The following RARB variants were observed in gnomAD, a reference collection of about 807,000 sequenced individuals.
RARB encodes the protein HBV-activated protein.
RARB carries 17 observed loss-of-function variants against 51.9 expected under a neutral mutation model. The ratio of observed to expected loss-of-function variants is 0.33; its 90% CI spans 0.22 to 0.49. RARB has a LOEUF of 0.49. Among genes scored for constraint, RARB ranks in the 20% least tolerant of loss-of-function variants. RARB has a pLI of 0.99. For missense variants in RARB, 369 were observed against 550.8 expected, an observed-to-expected ratio of 0.67 and a Z score of 3.30; for synonymous variants, 215 against 195.4, an observed-to-expected ratio of 1.10 and a Z score of -0.84.
At chr3:25,166,897 G>A (rs969492519) in intron 4 of RARB, among the ~76,000 whole-genome samples, 1 of 152,206 alleles carries the variant, frequency 6.6e-6, no homozygotes, top group Non-Finnish European at 1.5e-5. Context: ...GCAGATGTGT[G>A]TCTAAGGCAA....
At chr3:25,096,243 T>C (rs1699289904) in intron 3 of RARB, among the ~76,000 whole-genome samples, 1 of 152,158 alleles carries the variant, frequency 6.6e-6, no homozygotes, top group African/African-American at 2.4e-5. Context: ...TGACAATAGT[T>C]TGTGAAAGAA....
chr3:25,431,430 T>C (rs1168234646), intron 1 of RARB, among the ~76,000 whole-genome samples: 2 of 152,176 alleles, frequency 1.3e-5, no homozygotes, highest in Admixed American at 1.3e-4. Flanking sequence ...GTAGTGTCTG[T>C]GAATTGCTTC....
intron 5 of RARB, among the ~76,000 whole-genome samples, chr3:25,360,186 G>C (rs1050524339): frequency 6.6e-6 from 1 of 152,098 alleles, no homozygotes. Flanking sequence ...ATATTTAGGA[G>C]AGTTCGCTCT....
chr3:24,979,581 G>GTTTTGTT (rs1173201340), intron 2 of RARB, among the ~76,000 whole-genome samples: 8 of 150,968 alleles, frequency 5.3e-5, no homozygotes, highest in Non-Finnish European at 7.4e-5. Flanking sequence ...TTTTTGTTTT[G>GTTTTGTT]TTTTGTTTTT....
At chr3:25,502,182 G>T (rs1385349201) in intron 3 of RARB, among the ~76,000 whole-genome samples, 5 of 152,174 alleles carry the variant, frequency 3.3e-5, no homozygotes, top group African/African-American at 1.2e-4. Context: ...CAGTGGGCTG[G>T]GTGCTGCGTG....
At chr3:25,595,392 A>G (rs1354017702) in intron 7 of RARB, among the ~76,000 whole-genome samples, 1 of 152,230 alleles carries the variant, frequency 6.6e-6, no homozygotes, top group Non-Finnish European at 1.5e-5. Context: ...AGTGCTTAAA[A>G]GCACAGGGAA....
intron 5 of RARB, among the ~76,000 whole-genome samples, chr3:25,225,497 T>G (rs1330248766): frequency 6.6e-6 from 1 of 152,330 alleles, no homozygotes; most frequent in South Asian, 2.1e-4. Context: ...ACCAAATAAA[T>G]GGAACTCAGC....
chr3:25,151,725 G>A (rs904473435), intron 4 of RARB, among the ~76,000 whole-genome samples: 3 of 152,126 alleles, frequency 2.0e-5, no homozygotes, highest in East Asian at 1.9e-4. Context: ...TCGGATGGGC[G>A]GAACAATAAG....
chr3:24,859,745 C>A (rs1271492980), intron 2 of RARB, among the ~76,000 whole-genome samples: 2 of 152,194 alleles, frequency 1.3e-5, no homozygotes, highest in Non-Finnish European at 2.9e-5. Flanking sequence ...AAGGACTAGA[C>A]AGTAAATATT....
intron 5 of RARB, among the ~76,000 whole-genome samples, chr3:25,420,775 GGGTGGATGGATT>G (rs1707835388): frequency 6.6e-6 from 1 of 152,124 alleles, no homozygotes; most frequent in Non-Finnish European, 1.5e-5. Flanking sequence ...ATAACTAGAA[GGGTGGATGGATT>G]GGTGGATGGA....
chr3:25,070,851 C>T (rs141423973), intron 3 of RARB, among the ~76,000 whole-genome samples: 15 of 152,246 alleles, frequency 9.9e-5, no homozygotes, highest in Non-Finnish European at 1.9e-4. Flanking sequence ...CTTTAACATG[C>T]CCAGTGTACT....
Position 25,004,567 on chromosome 3 carries a change from C to CT in RARB, c.-379-55557dup, listed in dbSNP as rs1388254683. 3.3e-5 allele frequency among the ~76,000 whole-genome samples: 5 copies of CT among 152,176 alleles called. No homozygotes were observed. The East Asian group carries it at 9.7e-4, about 30-fold the overall frequency. On this transcript the variant is annotated intron_variant, in intron 2 of 11. Coordinates refer to the RARB transcript ENST00000383772. ...TTCATGGGAGCAGAGCTCTCATGGC[C>CT]TAATCACCTCTTAATGGTCTCACCT...
intron 2 of RARB, among the ~76,000 whole-genome samples, chr3:24,922,674 G>C (rs536660499): frequency 6.6e-6 from 1 of 152,234 alleles, no homozygotes; most frequent in East Asian, 1.9e-4. Flanking sequence ...TGTAGAAGAC[G>C]GGTCAGCCCA....
chr3:25,409,860 A>G (rs1254616299), intron 5 of RARB, among the ~76,000 whole-genome samples: 7 of 152,190 alleles, frequency 4.6e-5, no homozygotes, highest in African/African-American at 9.7e-5. Flanking sequence ...TTTACCTCCC[A>G]GGAATCCTTC....
chr3:25,505,664 G>A (rs1697546388), intron 3 of RARB, among the ~76,000 whole-genome samples: 1 of 151,516 alleles, frequency 6.6e-6, no homozygotes, highest in Admixed American at 6.6e-5. Context: ...TAGAATAATG[G>A]CAAGTGAAAA....
chr3:25,289,737 A>T (rs1703741953), intron 5 of RARB, among the ~76,000 whole-genome samples: 1 of 148,388 alleles, frequency 6.7e-6, no homozygotes, highest in Admixed American at 6.7e-5. Flanking sequence ...AGGAAGGCGA[A>T]GGATTTTTTT....
At chr3:25,174,239 T>C (rs191995701) in exon 5 of RARB, 1 of 445,782 alleles carries the variant, frequency 2.2e-6, no homozygotes, top group Non-Finnish European at 3.8e-6. Context: ...GAAACCATGC[T>C]GGGAAGAAGC....
rs553156982 is a variant in RARB at position 25,038,445 on chromosome 3, A to G, written c.-379-21680A>G. 2.1e-3 allele frequency among the ~76,000 whole-genome samples: 320 copies of G among 152,320 alleles called. 1 individual carries two copies. Among genetic ancestry groups the G allele is most frequent in the African/African-American group, 7.6e-3 (314 of 41,576 alleles). On this transcript the variant is annotated intron_variant, in intron 2 of 11. Coordinates refer to the RARB transcript ENST00000383772. The stretch of plus-strand genomic sequence containing the variant: ...AACTTAAGAAAATAGAATATCTATT[A>G]TTAAATCTGACTCATAAACTTGGAG...
chr3:25,151,453 A>G (rs1281170200), intron 4 of RARB, among the ~76,000 whole-genome samples: 1 of 152,184 alleles, frequency 6.6e-6, no homozygotes, highest in Non-Finnish European at 1.5e-5. Context: ...AAATCCACCA[A>G]CATCTTGTAA....
Sources: allele counts gnomAD v4.1 joint callset (sites outside exome capture counted in the v4.1 genomes callset), GRCh38; gene constraint gnomAD v4.1.1; transcripts MANE v1.5; gene names NCBI Gene and HGNC (gene_info 2026-07-23, HGNC 2026-07-21).